SLC4A4: variants seen among roughly 807,000 people sequenced by gnomAD.
The protein encoded by SLC4A4 is solute carrier family 4 member 4, also known as electrogenic sodium bicarbonate cotransporter 1.
Under a neutral mutation model 111.5 loss-of-function variants are expected in SLC4A4, and 27 were observed. That is an observed-to-expected ratio of 0.24 (90% CI 0.18 to 0.33). The LOEUF (loss-of-function observed/expected upper bound fraction) is 0.33, where lower values mean the gene tolerates loss of function less well. Among genes scored for constraint, SLC4A4 ranks in the 10% least tolerant of loss-of-function variants. SLC4A4 has a pLI of 1.00. For missense variants in SLC4A4, 909 were observed against 1,315.5 expected (o/e 0.69, Z 4.78); for synonymous variants, 443 against 463.4 (o/e 0.96, Z 0.57).
intron 2 of SLC4A4, among the ~76,000 whole-genome samples, chr4:71,163,618 T>G (rs966524980): frequency 6.6e-6 from 1 of 152,188 alleles, no homozygotes; most frequent in Non-Finnish European, 1.5e-5. Flanking sequence ...CTAAAAGATA[T>G]TTTCATCGAT....
chr4:71,435,847 A>G (rs1465066543), intron 7 of SLC4A4, among the ~76,000 whole-genome samples: 1 of 152,258 alleles, frequency 6.6e-6, no homozygotes, highest in African/African-American at 2.4e-5. Context: ...GCAAATCAAA[A>G]CCACAATGAG....
chr4:71,292,833 G>GTTTT (rs1210782035), intron 3 of SLC4A4, among the ~76,000 whole-genome samples: 12 of 133,432 alleles, frequency 9.0e-5, no homozygotes, highest in African/African-American at 2.4e-4. Flanking sequence ...CTTACTTTTG[G>GTTTT]TTTTTTTTGT....
chr4:71,164,306 GGGAGGT>G (rs1485561597), intron 2 of SLC4A4, among the ~76,000 whole-genome samples: 1 of 151,854 alleles, frequency 6.6e-6, no homozygotes, highest in Non-Finnish European at 1.5e-5. Context: ...GCTTGAACCT[GGGAGGT>G]GGAGGTTGTA....
chr4:71,393,463 C>T (rs560691424), intron 6 of SLC4A4, among the ~76,000 whole-genome samples: 6 of 152,004 alleles, frequency 3.9e-5, no homozygotes, highest in South Asian at 4.2e-4. Context: ...ACGAAGGAGG[C>T]GAAAGACATC....
intron 6 of SLC4A4, among the ~76,000 whole-genome samples, chr4:71,386,626 G>C (rs181464825): frequency 1.3e-5 from 2 of 151,632 alleles, no homozygotes; most frequent in Admixed American, 6.6e-5. Flanking sequence ...ATACATATAG[G>C]TTTTAAGGTA....
At chr4:71,279,131 A>G (rs1182306900) in intron 3 of SLC4A4, among the ~76,000 whole-genome samples, 1 of 152,150 alleles carries the variant, frequency 6.6e-6, no homozygotes, top group Admixed American at 6.6e-5. Flanking sequence ...GTATACAATA[A>G]ATTATTATTA....
chr4:71,523,892 G>A (rs1733184323), intron 16 of SLC4A4, among the ~76,000 whole-genome samples: 1 of 152,058 alleles, frequency 6.6e-6, no homozygotes, highest in Non-Finnish European at 1.5e-5. Context: ...TGGTCTTAAT[G>A]AATTTTAGTG....
intron 1 of SLC4A4, among the ~76,000 whole-genome samples, chr4:71,071,391 A>T (rs1027326169): frequency 2.6e-5 from 4 of 152,110 alleles, no homozygotes; most frequent in Admixed American, 6.6e-5. Context: ...TAAGAAATAC[A>T]TTTCCTTGGT....
chr4:71,452,800 C>T (rs967885284), intron 11 of SLC4A4, among the ~76,000 whole-genome samples: 1 of 152,200 alleles, frequency 6.6e-6, no homozygotes, highest in African/African-American at 2.4e-5. Flanking sequence ...CAGGTCCTTA[C>T]CCTAAAGTCA....
intron 3 of SLC4A4, among the ~76,000 whole-genome samples, chr4:71,279,848 C>A (rs1009156812): frequency 2.0e-5 from 3 of 151,934 alleles, no homozygotes; most frequent in Non-Finnish European, 4.4e-5. Context: ...CAGGCTGGAG[C>A]GCAGTGGCAT....
At chr4:71,398,920 C>A (rs1230425619) in intron 7 of SLC4A4, among the ~76,000 whole-genome samples, 1 of 152,180 alleles carries the variant, frequency 6.6e-6, no homozygotes. Context: ...GTTAGTCCTC[C>A]ATATCCGTGG....
intron 2 of SLC4A4, among the ~76,000 whole-genome samples, chr4:71,149,911 A>G (rs945255942): frequency 1.3e-5 from 2 of 152,146 alleles, no homozygotes; most frequent in African/African-American, 4.8e-5. Context: ...GCTTAACTTA[A>G]TTTTTGATCA....
At position 71,441,466 on chromosome 4, in the gene SLC4A4, G is replaced by A. The variant is rs866057916; in HGVS notation, c.965+693G>A. ...GCTGCAGACAGTTTAAAGAAAACTT[G>A]TAGTCTTCAGGTTGACAGAAAATTA... On this transcript the variant is annotated intron_variant, in intron 8 of 25. Coordinates refer to ENST00000264485, the MANE Select transcript of SLC4A4 (RefSeq NM_001098484.3). Among the ~76,000 whole-genome samples the A allele has an allele frequency of 7.9e-5, 12 of 151,852 alleles. No homozygotes were observed. The Middle Eastern group carries it at 0.01, about 129-fold the overall frequency.
intron 7 of SLC4A4, among the ~76,000 whole-genome samples, chr4:71,416,407 G>T (rs1721829125): frequency 6.6e-6 from 1 of 152,136 alleles, no homozygotes; most frequent in Non-Finnish European, 1.5e-5. Flanking sequence ...CGACAATATT[G>T]TATAATAAAA....
At chr4:71,359,607 A>G (rs1482017102) in intron 6 of SLC4A4, among the ~76,000 whole-genome samples, 3 of 152,340 alleles carry the variant, frequency 2.0e-5, no homozygotes, top group East Asian at 3.9e-4. Flanking sequence ...TTAAAAAACT[A>G]TGAAATGTTC....
chr4:71,320,635 G>T (rs948684129), intron 3 of SLC4A4, among the ~76,000 whole-genome samples: 1 of 151,980 alleles, frequency 6.6e-6, no homozygotes, highest in East Asian at 1.9e-4. Context: ...TTCTAAGAAA[G>T]CCAGATTTGA....
At chr4:71,141,293 G>A (rs1343905118) in intron 2 of SLC4A4, among the ~76,000 whole-genome samples, 3 of 152,138 alleles carry the variant, frequency 2.0e-5, no homozygotes, top group Admixed American at 6.5e-5. Context: ...TATAGCCACA[G>A]TGATCATGTG....
At chr4:71,189,652 G>C (rs968268245) in intron 1 of SLC4A4, among the ~76,000 whole-genome samples, 3 of 152,158 alleles carry the variant, frequency 2.0e-5, no homozygotes, top group Admixed American at 2.0e-4. Flanking sequence ...CACACTAGCT[G>C]GTGAATCATG....
chr4:71,297,440 G>A (rs1724881584), intron 3 of SLC4A4, among the ~76,000 whole-genome samples: 1 of 149,642 alleles, frequency 6.7e-6, no homozygotes, highest in African/African-American at 2.5e-5. Context: ...CATGTGTGTG[G>A]TTGTTGCTGT....
Sources: gnomAD v4.1 joint callset for allele counts (sites outside exome capture counted in the v4.1 genomes callset) on GRCh38, gnomAD v4.1.1 for gene constraint, MANE v1.5 for transcripts, NCBI Gene and HGNC (gene_info 2026-07-23, HGNC 2026-07-21) for gene names.